DISC1: variants seen among roughly 807,000 people sequenced by gnomAD.
DISC1 encodes the protein disrupted in schizophrenia 1 protein.
Under a neutral mutation model 84.5 loss-of-function variants are expected in DISC1, and 57 were observed. That is an observed-to-expected ratio of 0.67 (90% CI 0.55 to 0.84). The LOEUF is 0.84. DISC1 is among the 40% of genes least tolerant of loss of function. DISC1 has a pLI of 0.00. For missense variants in DISC1, 1,000 were observed against 1,057.8 expected, an observed-to-expected ratio of 0.95 and a Z score of 0.76; for synonymous variants, 411 against 415.2, an observed-to-expected ratio of 0.99 and a Z score of 0.12.
intron 9 of DISC1, among the ~76,000 whole-genome samples, chr1:231,877,712 T>G (rs894867877): frequency 7.2e-5 from 11 of 152,356 alleles, no homozygotes; most frequent in African/African-American, 2.6e-4. Context: ...TATCAGCCTA[T>G]TGGTGGAACA....
rs571759727 is a variant in DISC1 at position 231,884,301 on chromosome 1, T to C, written c.1981+65784T>C. ...AATAACAGGAAAATCAGAAAATCCA[T>C]GTGTACTCAATGTTTAGCTCCCACT... On this transcript the variant is annotated intron_variant, in intron 9 of 12. Transcript: ENST00000439617. Among the ~76,000 whole-genome samples the C allele has an allele frequency of 3.3e-5, 5 of 152,330 alleles. No individual in the cohort carries two copies. In the South Asian group the frequency reaches 8.3e-4, roughly 25 times the overall value.
chr1:231,926,718 C>A (rs1408998561), intron 9 of DISC1, among the ~76,000 whole-genome samples: 1 of 152,160 alleles, frequency 6.6e-6, no homozygotes, highest in Non-Finnish European at 1.5e-5. Flanking sequence ...AAGACAAGCT[C>A]AGGGAACAAA....
In DISC1 at chr1:231,738,201, A is replaced by T. The variant is rs545940841; in HGVS notation, c.1118-11725A>T. ...CCCAAACAAGGACACTCTCCCATGC[A>T]CCCAACCTGCAGCTTCCTCCAAGTC... On this transcript the variant is annotated intron_variant, in intron 3 of 12. Coordinates refer to ENST00000439617, the MANE Select transcript of DISC1 (RefSeq NM_018662.3). 4.6e-5 allele frequency among the ~76,000 whole-genome samples: 7 copies of T among 152,152 alleles called. No homozygotes were observed. The South Asian group carries it at 1.5e-3, about 32-fold the overall frequency.
intron 9 of DISC1, among the ~76,000 whole-genome samples, chr1:231,887,477 T>A (rs947738841): frequency 7.9e-5 from 12 of 152,256 alleles, no homozygotes; most frequent in African/African-American, 2.4e-5. Context: ...ATGGATTTGC[T>A]CCATTCATGT....
At chr1:231,833,115 A>G (rs1045817303) in intron 9 of DISC1, among the ~76,000 whole-genome samples, 5 of 150,518 alleles carry the variant, frequency 3.3e-5, no homozygotes, top group Admixed American at 3.3e-4. Context: ...AAGGGCGGCA[A>G]TGAGATTCAG....
At chr1:231,809,524 G>GGA (rs544757898) in intron 8 of DISC1, among the ~76,000 whole-genome samples, 15 of 123,792 alleles carry the variant, frequency 1.2e-4, no homozygotes, top group Non-Finnish European at 2.5e-4. Context: ...TTTTTTTTTT[G>GGA]AAAAAAAAAA....
intron 8 of DISC1, among the ~76,000 whole-genome samples, chr1:231,808,901 A>G (rs1055020903): frequency 6.6e-6 from 1 of 152,178 alleles, no homozygotes; most frequent in African/African-American, 2.4e-5. Context: ...CAAAAAGTGT[A>G]ATTTACGGAT....
chr1:231,794,617 T>G (rs1299888579), intron 6 of DISC1, among the ~76,000 whole-genome samples: 1 of 151,892 alleles, frequency 6.6e-6, no homozygotes, highest in Non-Finnish European at 1.5e-5. Flanking sequence ...GATGCAGGAG[T>G]GGACACAACA....
intron 3 of DISC1, among the ~76,000 whole-genome samples, chr1:231,749,270 A>G (rs2074342744): frequency 1.3e-5 from 2 of 152,212 alleles, no homozygotes; most frequent in Non-Finnish European, 2.9e-5. Context: ...AGGCATCTCT[A>G]ATCAACCATC....
intron 6 of DISC1, chr1:231,774,840 G>T (rs1468699836): frequency 2.3e-6 from 1 of 435,388 alleles, no homozygotes; most frequent in Non-Finnish European, 4.6e-6. Context: ...GCTTGGTCTA[G>T]TATTTTTAAC....
At chr1:231,760,856 A>T (rs2075593710) in intron 4 of DISC1, among the ~76,000 whole-genome samples, 4 of 152,190 alleles carry the variant, frequency 2.6e-5, no homozygotes, top group Non-Finnish European at 4.4e-5. Context: ...CTGGGCTGGG[A>T]AGGAGGTGGC....
intron 9 of DISC1, among the ~76,000 whole-genome samples, chr1:231,899,655 T>C (rs2087990918): frequency 6.6e-6 from 1 of 152,250 alleles, no homozygotes; most frequent in African/African-American, 2.4e-5. Flanking sequence ...ATTTTAATAA[T>C]AATCATCATT....
chr1:231,965,560 C>A (rs1303406918), intron 10 of DISC1, among the ~76,000 whole-genome samples: 1 of 152,246 alleles, frequency 6.6e-6, no homozygotes, highest in Non-Finnish European at 1.5e-5. Context: ...GACTTTATTA[C>A]CATCCTGTTA....
rs541425484 is a variant in DISC1, at chr1:231,730,036, T to G, written c.1118-19890T>G. 2.6e-5 allele frequency among the ~76,000 whole-genome samples: 4 copies of G among 152,352 alleles called. No homozygotes were observed. The South Asian group carries it at 8.3e-4, about 32-fold the overall frequency. On this transcript the variant is annotated intron_variant, in intron 3 of 12. Transcript: ENST00000439617. The stretch of plus-strand genomic sequence containing the variant: ...CTTAAAAGATTATAGGCTGCAGCAA[T>G]TACCACTAAAAGGGTGAGAGAGCCT...
rs2058299628 is a variant in DISC1, at chr1:231,626,944, C to T, written c.67+10C>T. The T allele has an allele frequency of 1.3e-6, 2 of 1,502,760 alleles. No homozygotes were observed. Among genetic ancestry groups the T allele is most frequent in the African/African-American group, 1.5e-5 (1 of 68,908 alleles). 93.1% of individuals were successfully genotyped at this position (1,502,760 alleles called of 1,614,324 possible). A position where few individuals can be genotyped will look rare whatever the true frequency, so the allele number is the denominator to read the frequency against. On this transcript the variant is annotated intron_variant, in intron 1 of 12. Transcript: ENST00000439617. ...GTGAGCCACCGCGCAGGTAGGGGAG[C>T]TGCCACAGAGTCCTAGCACGTCCTG...
chr1:232,037,239 A>G lies in DISC1; in HGVS notation c.*408A>G, dbSNP rs575885768. ...ATTTCCTGATTCAAGATTCTATAAA[A>G]AGGAAACCAAGCATAAGACTCTGTC... On this transcript the variant is annotated 3_prime_UTR_variant, in exon 13 of 13. Coordinates refer to ENST00000439617, the MANE Select transcript of DISC1 (RefSeq NM_018662.3). The G allele has an allele frequency of 6.5e-6, 1 of 153,296 alleles. No homozygotes were observed. Among genetic ancestry groups the G allele is most frequent in the African/African-American group, 2.4e-5 (1 of 41,526 alleles). 9.5% of individuals were successfully genotyped at this position (153,296 alleles called of 1,614,324 possible).
rs570939127 is a variant in DISC1, at chr1:231,946,703, TA to T, written c.1982-12118del. Among the ~76,000 whole-genome samples, 15 of 152,212 alleles carry T rather than the reference TA, an allele frequency of 9.9e-5. No homozygotes were observed. The South Asian group carries it at 2.9e-3, about 29-fold the overall frequency. On this transcript the variant is annotated intron_variant, in intron 9 of 12. Coordinates refer to ENST00000439617, the MANE Select transcript of DISC1 (RefSeq NM_018662.3). ...GTTTGCAGATGACATGATTGTATATTAAAAAAACTCCGTAGTCTGAGCCCAA... is the reference window on the plus strand; with the variant it reads ...GTTTGCAGATGACATGATTGTATATTAAAAAACTCCGTAGTCTGAGCCCAA...
At chr1:231,900,674 C>T (rs1182712261) in intron 9 of DISC1, among the ~76,000 whole-genome samples, 1 of 152,142 alleles carries the variant, frequency 6.6e-6, no homozygotes, top group Non-Finnish European at 1.5e-5. Flanking sequence ...ACTCTTCTGC[C>T]ATGGGAAAAA....
chr1:231,924,545 A>G (rs1316977216), intron 9 of DISC1, among the ~76,000 whole-genome samples: 4 of 152,190 alleles, frequency 2.6e-5, no homozygotes, highest in African/African-American at 9.7e-5. Flanking sequence ...AAGGCAAGAA[A>G]AGATCCGGTG....
Sources: allele counts gnomAD v4.1 joint callset (sites outside exome capture counted in the v4.1 genomes callset), GRCh38; gene constraint gnomAD v4.1.1; transcripts MANE v1.5; gene names NCBI Gene and HGNC (gene_info 2026-07-23, HGNC 2026-07-21).